CDK14: variants seen among roughly 807,000 people sequenced by gnomAD.
CDK14 encodes cyclin-dependent kinase 14.
CDK14 carries 34 observed loss-of-function variants against 60.7 expected under a neutral mutation model. The observed-to-expected ratio is 0.56, with a 90% CI of 0.43 to 0.75. CDK14 has a LOEUF of 0.75. Among genes scored for constraint, CDK14 ranks in the 30% least tolerant of loss-of-function variants. The probability of loss-of-function intolerance (pLI) is 0.00; values close to 1 mark genes in which losing one functional copy is unlikely to be tolerated. For synonymous variants in CDK14, 197 were observed against 203.7 expected, an observed-to-expected ratio of 0.97 and a Z score of 0.28; for missense variants, 482 against 564.1, an observed-to-expected ratio of 0.85 and a Z score of 1.47.
intron 2 of CDK14, among the ~76,000 whole-genome samples, chr7:90,613,891 A>G (rs1258679303): frequency 6.6e-5 from 10 of 151,968 alleles, no homozygotes; most frequent in African/African-American, 2.4e-4. Flanking sequence ...TTCTCCTATT[A>G]GGAACCATAG....
chr7:90,795,054 A>G (rs902704922), intron 5 of CDK14, among the ~76,000 whole-genome samples: 2 of 152,150 alleles, frequency 1.3e-5, no homozygotes, highest in African/African-American at 4.8e-5. Flanking sequence ...CTTACTGAGC[A>G]TTCATGCAGG....
intron 12 of CDK14, among the ~76,000 whole-genome samples, chr7:91,110,010 T>C (rs1430628999): frequency 4.6e-5 from 7 of 151,992 alleles, no homozygotes; most frequent in African/African-American, 1.7e-4. Context: ...CCCATCACAA[T>C]GGGAGATTGA....
At chr7:90,828,717 G>T (rs181282811) in intron 5 of CDK14, among the ~76,000 whole-genome samples, 2 of 152,194 alleles carry the variant, frequency 1.3e-5, no homozygotes, top group African/African-American at 4.8e-5. Flanking sequence ...CTGTAACCAT[G>T]AATCATATGT....
intron 14 of CDK14, among the ~76,000 whole-genome samples, chr7:91,143,106 A>G (rs1316391001): frequency 6.6e-6 from 1 of 152,236 alleles, no homozygotes; most frequent in African/African-American, 2.4e-5. Flanking sequence ...TGGAAAAGAT[A>G]GCATCTGAGC....
chr7:91,161,744 G>T (rs551573464), intron 14 of CDK14, among the ~76,000 whole-genome samples: 12 of 152,268 alleles, frequency 7.9e-5, no homozygotes, highest in Admixed American at 3.3e-4. Context: ...TCTAAGAAAT[G>T]ATTGCAAAAT....
At chr7:90,746,271 T>C (rs1472551820) in intron 3 of CDK14, among the ~76,000 whole-genome samples, 2 of 152,220 alleles carry the variant, frequency 1.3e-5, no homozygotes, top group East Asian at 3.8e-4. Flanking sequence ...AAAATAACTT[T>C]TAAGTCATGA....
At chr7:90,850,785 G>T (rs1790624140) in intron 5 of CDK14, among the ~76,000 whole-genome samples, 1 of 152,068 alleles carries the variant, frequency 6.6e-6, no homozygotes, top group Admixed American at 6.6e-5. Context: ...GCTGTTGAGA[G>T]GTTTTAAGAA....
intron 2 of CDK14, among the ~76,000 whole-genome samples, chr7:90,691,500 A>G (rs1455362529): frequency 6.6e-6 from 1 of 152,090 alleles, no homozygotes. Flanking sequence ...GGAGAATAGT[A>G]AGGGGAGAGT....
chr7:90,777,985 T>G (rs11979882), intron 4 of CDK14, among the ~76,000 whole-genome samples: 66,102 of 151,990 alleles, frequency 0.43, 15,178 homozygotes, highest in East Asian at 0.82. Flanking sequence ...CATCATTCTC[T>G]GATCAGGAAA....
chr7:90,970,119 C>A (rs1794878227), intron 9 of CDK14, among the ~76,000 whole-genome samples: 1 of 152,056 alleles, frequency 6.6e-6, no homozygotes, highest in African/African-American at 2.4e-5. Flanking sequence ...ATGTGTATCA[C>A]CATGCCCAGC....
chr7:91,130,660 A>C (rs1472979724), intron 14 of CDK14, among the ~76,000 whole-genome samples: 4 of 152,182 alleles, frequency 2.6e-5, no homozygotes, highest in African/African-American at 7.2e-5. Flanking sequence ...ACAATAGATA[A>C]AAATCCCTAT....
At chr7:91,002,815 T>C (rs370888538) in intron 10 of CDK14, among the ~76,000 whole-genome samples, 7 of 152,282 alleles carry the variant, frequency 4.6e-5, no homozygotes, top group African/African-American at 1.7e-4. Context: ...GGTTCACAGC[T>C]GTAATTCAGC....
intron 11 of CDK14, among the ~76,000 whole-genome samples, chr7:91,074,871 C>G (rs1026038604): frequency 2.0e-5 from 3 of 152,086 alleles, no homozygotes; most frequent in Non-Finnish European, 4.4e-5. Context: ...CACCTCTACA[C>G]AAATAAACTA....
intron 10 of CDK14, among the ~76,000 whole-genome samples, chr7:90,994,450 C>T (rs796429557): frequency 6.6e-6 from 1 of 152,248 alleles, no homozygotes; most frequent in African/African-American, 2.4e-5. Context: ...CAAACTCTCA[C>T]CCAAAGTGAA....
intron 5 of CDK14, among the ~76,000 whole-genome samples, chr7:90,795,733 C>G (rs139285020): frequency 3.3e-5 from 5 of 152,140 alleles, no homozygotes; most frequent in African/African-American, 1.2e-4. Flanking sequence ...GACAGGGACT[C>G]TGGGCCAAAA....
intron 10 of CDK14, among the ~76,000 whole-genome samples, chr7:90,985,035 C>A (rs1404917209): frequency 2.0e-5 from 3 of 152,046 alleles, no homozygotes; most frequent in African/African-American, 7.2e-5. Context: ...TATCAATATA[C>A]CAATGTGAAT....
intron 5 of CDK14, among the ~76,000 whole-genome samples, chr7:90,855,736 T>TA (rs1265665717): frequency 6.6e-6 from 1 of 152,168 alleles, no homozygotes; most frequent in Non-Finnish European, 1.5e-5. Context: ...TGTTAGTAGG[T>TA]AAAAAATGTC....
chr7:90,987,798 A>T (rs939372365), intron 10 of CDK14, among the ~76,000 whole-genome samples: 1 of 152,132 alleles, frequency 6.6e-6, no homozygotes, highest in Admixed American at 6.6e-5. Flanking sequence ...AATTAGATCC[A>T]CTTTAACAGG....
chr7:90,901,033 T>G (rs370986878), intron 7 of CDK14, among the ~76,000 whole-genome samples: 4 of 152,206 alleles, frequency 2.6e-5, no homozygotes, highest in Non-Finnish European at 5.9e-5. Flanking sequence ...CCTTATCTCC[T>G]AATGGTCATG....
Sources: gnomAD v4.1 joint callset for allele counts (sites outside exome capture counted in the v4.1 genomes callset) on GRCh38, gnomAD v4.1.1 for gene constraint, MANE v1.5 for transcripts, NCBI Gene and HGNC (gene_info 2026-07-23, HGNC 2026-07-21) for gene names.